ZFYVE9: variants seen among roughly 807,000 people sequenced by gnomAD.
ZFYVE9 encodes zinc finger FYVE-type containing 9, also known as zinc finger FYVE domain-containing protein 9.
A neutral mutation model predicts 126.7 loss-of-function variants in ZFYVE9; 43 were observed. The ratio of observed to expected loss-of-function variants is 0.34; its 90% CI spans 0.27 to 0.44. The LOEUF is 0.44. ZFYVE9 is among the 20% of genes least tolerant of loss of function. The pLI, the probability that ZFYVE9 is intolerant of heterozygous loss-of-function variation, is 1.00. For missense variants in ZFYVE9, 1,476 were observed against 1,697.0 expected (o/e 0.87, Z 2.29); for synonymous variants, 521 against 597.4 (o/e 0.87, Z 1.87).
rs148317324 is a variant in ZFYVE9, at chr1:52,331,468, G to T, written c.3439-1300G>T. Among the ~76,000 whole-genome samples the T allele has an allele frequency of 3.9e-3, 582 of 149,738 alleles. 13 individuals are homozygous for T. In the South Asian group the frequency reaches 0.044, roughly 11 times the overall value. On this transcript the variant is annotated intron_variant, in intron 13 of 18. Transcript: ENST00000287727. ...TGTCTCTTAAAAAAAAAAAAAAAGTGTCGGCCGGGTGCAGTGGCTCACACC... is the reference window on the plus strand; with the variant it reads ...TGTCTCTTAAAAAAAAAAAAAAAGTTTCGGCCGGGTGCAGTGGCTCACACC...
At chr1:52,295,768 GC>G (rs1645967811) in intron 11 of ZFYVE9, 126 bp from the exon 12 acceptor site, 1 of 713,300 alleles carries the variant, frequency 1.4e-6, no homozygotes, top group African/African-American at 1.8e-5. Flanking sequence ...TACTTTTTGA[GC>G]CCAAAATTTG....
At chr1:52,186,403 C>G (rs1415086576) in intron 1 of ZFYVE9, among the ~76,000 whole-genome samples, 3 of 152,144 alleles carry the variant, frequency 2.0e-5, no homozygotes, top group East Asian at 3.8e-4. Flanking sequence ...CCCTTGAAAA[C>G]TGGCACAAGA....
rs964436007 is a variant in ZFYVE9 at position 52,266,761 on chromosome 1, A to G, written c.2385A>G (p.Ser795=). 1 of 1,612,246 alleles carries G rather than the reference A, an allele frequency of 6.2e-7. No homozygotes were observed. The highest frequency in any genetic ancestry group is 1.7e-5 in the Admixed American group (1 of 59,638). The change falls in exon 6 of 19, where the codon TCA becomes TCG. Residue 795 remains serine (S), a synonymous_variant. Transcript: ENST00000287727. ...CTCCCTTGCAGCAAGCTCAGGCCTC[A>G]GGAGCTCTGAGCTCTCCACCTCCCA... ...TIPPLQQAQA[S]GALSSPPPTV... is the part of the protein sequence containing the mutation.
intron 13 of ZFYVE9, among the ~76,000 whole-genome samples, chr1:52,330,963 G>A (rs568909806): frequency 1.3e-5 from 2 of 152,150 alleles, no homozygotes; most frequent in African/African-American, 4.8e-5. Context: ...ACCTGTTGGG[G>A]TAAAGTGATT....
intron 13 of ZFYVE9, among the ~76,000 whole-genome samples, chr1:52,307,910 C>G (rs1029470305): frequency 6.6e-6 from 1 of 152,014 alleles, no homozygotes; most frequent in Admixed American, 6.6e-5. Context: ...CGCTACCACG[C>G]CCGGCTAATT....
At chr1:52,221,800 A>G (rs895264517) in intron 2 of ZFYVE9, among the ~76,000 whole-genome samples, 3 of 152,166 alleles carry the variant, frequency 2.0e-5, no homozygotes, top group Admixed American at 2.0e-4. Flanking sequence ...GGCTGTTACA[A>G]GTAGGTGTTT....
chr1:52,218,107 A>G (rs1328010435), intron 2 of ZFYVE9, among the ~76,000 whole-genome samples: 2 of 152,192 alleles, frequency 1.3e-5, no homozygotes, highest in African/African-American at 2.4e-5. Context: ...GATGCTGTCT[A>G]TGTAAACTTG....
intron 1 of ZFYVE9, among the ~76,000 whole-genome samples, chr1:52,187,679 C>T (rs778847639): frequency 1.3e-5 from 2 of 152,088 alleles, no homozygotes; most frequent in African/African-American, 2.4e-5. Context: ...CATACATGTG[C>T]GACCAACAAG....
At chr1:52,159,259 T>G in intron 1 of ZFYVE9, among the ~76,000 whole-genome samples, 1 of 152,168 alleles carries the variant, frequency 6.6e-6, no homozygotes, top group East Asian at 1.9e-4. Context: ...GATGAGAGCT[T>G]CATTGTCAGT....
rs1646421777 is a variant in ZFYVE9, at chr1:52,340,209, G to A, written c.3917G>A (p.Gly1306Glu). The change falls in exon 17 of 19, where the codon GGA (glycine) becomes GAA (glutamate). Residue 1306 changes from glycine to glutamate, a missense_variant. Gly to Glu is a moderately conservative substitution (Grantham distance 98, BLOSUM62 -2). Around this residue, in one of 2 missense-constraint regions of ZFYVE9, gnomAD observed 669 missense variants for 902.4 expected, o/e 0.74. Coordinates refer to ENST00000287727, the MANE Select transcript of ZFYVE9 (RefSeq NM_004799.4). ...CATGGATCAGAATATAAAGCAAATG[G>A]AAAAGTAATCAGATGGACAGAGGTA... ...IFHGSEYKAN[G>E]KVIRWTEVFF... 1.2e-6 allele frequency: 2 copies of A among 1,613,644 alleles called. No individual in the cohort carries two copies. Among genetic ancestry groups the A allele is most frequent in the Non-Finnish European group, 1.7e-6 (2 of 1,179,722 alleles).
chr1:52,166,913 A>G (rs1644519108), intron 1 of ZFYVE9, among the ~76,000 whole-genome samples: 1 of 152,232 alleles, frequency 6.6e-6, no homozygotes, highest in South Asian at 2.1e-4. Flanking sequence ...AAAAGTTTTA[A>G]GGCTTACATT....
chr1:52,155,327 G>A (rs868020450), intron 1 of ZFYVE9, among the ~76,000 whole-genome samples: 53 of 145,018 alleles, frequency 3.7e-4, no homozygotes, highest in Middle Eastern at 3.5e-3. Context: ...TCCGCCCCCC[G>A]GGGTTCATGC....
At chr1:52,277,329 G>C (rs1377385365) in intron 8 of ZFYVE9, among the ~76,000 whole-genome samples, 1 of 152,134 alleles carries the variant, frequency 6.6e-6, no homozygotes, top group African/African-American at 2.4e-5. Context: ...GGCCTACTCT[G>C]TTGTTAAAAA....
chr1:52,306,849 C>T (rs1646089640), intron 13 of ZFYVE9, among the ~76,000 whole-genome samples: 1 of 152,262 alleles, frequency 6.6e-6, no homozygotes, highest in South Asian at 2.1e-4. Flanking sequence ...CTCACTGCAG[C>T]AGCCAGCATG....
intron 2 of ZFYVE9, among the ~76,000 whole-genome samples, chr1:52,226,862 G>T (rs1342636432): frequency 1.3e-5 from 2 of 152,232 alleles, no homozygotes; most frequent in Non-Finnish European, 2.9e-5. Flanking sequence ...TTGAATTTCT[G>T]ATTAGCCTCT....
chr1:52,340,818 T>G (rs1646428194), intron 17 of ZFYVE9, among the ~76,000 whole-genome samples: 1 of 148,550 alleles, frequency 6.7e-6, no homozygotes, highest in East Asian at 2.0e-4. Context: ...TGGGAATCAC[T>G]TGAACCCGGG....
chr1:52,304,180 A>G (rs1332017940), intron 13 of ZFYVE9, among the ~76,000 whole-genome samples: 2 of 152,102 alleles, frequency 1.3e-5, no homozygotes, highest in Non-Finnish European at 2.9e-5. Context: ...CATTTTGATT[A>G]GGTCATGAAA....
Position 52,238,845 on chromosome 1 carries a change from TG to T in ZFYVE9, c.1430del (p.Gly477ValfsTer26). The T allele has an allele frequency of 1.2e-6, 2 of 1,614,158 alleles. No individual in the cohort carries two copies. The highest frequency in any genetic ancestry group is 1.7e-6 in the Non-Finnish European group (2 of 1,179,992). On this transcript the variant is annotated frameshift_variant, in exon 4 of 19. Transcript: ENST00000287727. LOFTEE classifies it high-confidence loss of function. ...CACCAGCAGCAAATTATCTATCTAATGGTTGTGATTCCTATGGAATGCAAGA... is the reference window on the plus strand; with the variant it reads ...CACCAGCAGCAAATTATCTATCTAATGTTGTGATTCCTATGGAATGCAAGA... ...DTPAANYLSN[G>X]CDSYGMQDPG...
intron 13 of ZFYVE9, among the ~76,000 whole-genome samples, chr1:52,310,143 T>C (rs1646124636): frequency 6.6e-6 from 1 of 152,002 alleles, no homozygotes; most frequent in African/African-American, 2.4e-5. Context: ...GGCCAAATTT[T>C]CTGTTAATAG....
Sources: allele counts gnomAD v4.1 joint callset (sites outside exome capture counted in the v4.1 genomes callset), GRCh38; gene constraint gnomAD v4.1.1; regional missense constraint gnomAD v4.1.1; transcripts MANE v1.5; gene names NCBI Gene and HGNC (gene_info 2026-07-23, HGNC 2026-07-21).